Variants in IKZF5 observed in about 807,000 individuals in gnomAD.
The protein encoded by IKZF5 is zinc finger protein Pegasus.
In IKZF5, 4 loss-of-function variants were observed where a neutral mutation model predicts 30.7. That is an observed-to-expected ratio of 0.13 (90% confidence interval 0.06 to 0.30). IKZF5 has a LOEUF of 0.30. IKZF5 is among the 10% of genes least tolerant of loss of function. The pLI, the probability that IKZF5 is intolerant of heterozygous loss-of-function variation, is 1.00. For missense variants in IKZF5, 348 were observed against 525.5 expected, an observed-to-expected ratio of 0.66 and a Z score of 3.30; for synonymous variants, 148 against 179.6, an observed-to-expected ratio of 0.82 and a Z score of 1.41.
At position 122,999,130 on chromosome 10, in the gene IKZF5, G is replaced by A. The variant is rs1849494353; in HGVS notation, c.-46-459C>T. Among the ~76,000 whole-genome samples the A allele has an allele frequency of 7.2e-5, 11 of 152,246 alleles. No homozygotes were observed. In the South Asian group the frequency reaches 2.1e-3, roughly 29 times the overall value. On this transcript the variant is annotated intron_variant, in intron 2 of 4. Coordinates refer to ENST00000368886, the MANE Select transcript of IKZF5 (RefSeq NM_001372123.1). ...AATTGCTTGGGTCTGAGTGGTCAAG[G>A]CTGCAGTGAGCCGTGATTGCACCAC...
In IKZF5 at chr10:122,994,364, A is replaced by T. The variant is rs1332600816; in HGVS notation, c.676T>A (p.Ser226Thr). The T allele has an allele frequency of 1.2e-6, 2 of 1,613,906 alleles. No homozygotes were observed. The highest frequency in any genetic ancestry group is 3.3e-5 in the Admixed American group (2 of 59,988). ...GTGGTTTTTGCCATACTTTCATAGG[A>T]GTCAGTCTGGATATTTGGGATTTCG... is the stretch of plus-strand genomic sequence containing the variant. Reference protein sequence around the residue: ...THEIPNIQTDSYESMAKTTPT... With the variant: ...THEIPNIQTDTYESMAKTTPT... Residue 226 changes from serine to threonine, a missense_variant, in exon 5 of 5, where the codon TCC (serine) becomes ACC (threonine). Coordinates refer to ENST00000368886, the MANE Select transcript of IKZF5 (RefSeq NM_001372123.1). The surrounding 1 kb of genome is among the most constrained non-coding windows in gnomAD (Gnocchi z 5.6).
chr10:123,002,143 G>A lies in IKZF5; in HGVS notation c.-46-3472C>T, dbSNP rs1483161766. Among the ~76,000 whole-genome samples the A allele has an allele frequency of 2.6e-5, 4 of 152,150 alleles. No homozygotes were observed. In the East Asian group the frequency reaches 5.8e-4, roughly 22 times the overall value. On this transcript the variant is annotated intron_variant, in intron 2 of 4. Coordinates refer to ENST00000368886, the MANE Select transcript of IKZF5 (RefSeq NM_001372123.1). ...GCCAAATAAGGACTTACAGGTAACTGAATTCTCTTTTCTTAATTCAATACT... is the reference window on the plus strand; with the variant it reads ...GCCAAATAAGGACTTACAGGTAACTAAATTCTCTTTTCTTAATTCAATACT...
At chr10:123,000,775 A>G (rs1007924611) in intron 2 of IKZF5, among the ~76,000 whole-genome samples, 1 of 152,166 alleles carries the variant, frequency 6.6e-6, no homozygotes. Context: ...GTGGTATCAC[A>G]TTACTTTTAA....
In IKZF5 at chr10:122,990,885, T is replaced by C. The variant is rs1849140182; in HGVS notation, c.*2895A>G. ...GAACTGCATACTAGATATAGTTATT[T>C]CTGCATTAAACTGCTTTCCGGAATC... On this transcript the variant is annotated 3_prime_UTR_variant, in exon 5 of 5. Transcript: ENST00000368886. The C allele has an allele frequency of 6.7e-6, 1 of 149,814 alleles. No homozygotes were observed. The highest frequency in any genetic ancestry group is 2.2e-4 in the South Asian group (1 of 4,618). The allele number at this position is 149,814 out of a possible 1,614,324, so 9.3% of individuals were successfully genotyped here.
In IKZF5 at chr10:122,996,104, A is replaced by G. The variant is rs1331216856; in HGVS notation, c.206T>C (p.Met69Thr). 1 of 1,614,116 alleles carries G rather than the reference A, an allele frequency of 6.2e-7. No individual in the cohort carries two copies. Among genetic ancestry groups the G allele is most frequent in the Admixed American group, 1.7e-5 (1 of 60,016 alleles). The change falls in exon 4 of 5, where the codon ATG (methionine) becomes ACG (threonine). Residue 69 changes from methionine to threonine, a missense_variant. By Grantham distance (81) the Met-to-Thr change is moderately conservative. Around this residue, in one of 4 missense-constraint regions of IKZF5, gnomAD observed 80 missense variants for 93.2 expected, o/e 0.86. Transcript: ENST00000368886. Reference sequence around the variant, plus strand: ...GGTCCTTTCAAACCCGTCTACTAACATTCCTGAGTTTTCATCCAAGGAAAC... The same window carrying G: ...GGTCCTTTCAAACCCGTCTACTAACGTTCCTGAGTTTTCATCCAAGGAAAC... The part of the protein sequence containing the change: ...VEVSLDENSG[M>T]LVDGFERTFD...
chr10:122,999,515 A>C (rs190428581), intron 2 of IKZF5, among the ~76,000 whole-genome samples: 70 of 152,352 alleles, frequency 4.6e-4, no homozygotes, highest in Non-Finnish European at 8.4e-4. Context: ...TCACGGTAAG[A>C]AGCCACAGAC....
Position 122,994,841 on chromosome 10 carries a change from C to T in IKZF5, c.317-118G>A. 2.7e-6 allele frequency: 2 copies of T among 746,906 alleles called. No homozygotes were observed. Among genetic ancestry groups the T allele is most frequent in the Non-Finnish European group, 4.3e-6 (2 of 461,960 alleles). 46.3% of individuals were successfully genotyped at this position (746,906 alleles called of 1,614,324 possible). A position where few individuals can be genotyped will look rare whatever the true frequency, so the allele number is the denominator to read the frequency against. Reference sequence around the variant, plus strand: ...CAAAAAGAAAATGCTTTCAGAAAGTCATATTTGCATAGCATATGAGATTGT... The same window carrying T: ...CAAAAAGAAAATGCTTTCAGAAAGTTATATTTGCATAGCATATGAGATTGT... On this transcript the variant is annotated intron_variant, in intron 4 of 4. Transcript: ENST00000368886. The surrounding 1 kb of genome is among the most constrained non-coding windows in gnomAD (Gnocchi z 5.6).
chr10:123,000,246 C>G (rs1377278866), intron 2 of IKZF5, among the ~76,000 whole-genome samples: 1 of 152,202 alleles, frequency 6.6e-6, no homozygotes, highest in Non-Finnish European at 1.5e-5. Flanking sequence ...TCTGCCCTGA[C>G]AAGGGTTACA....
At chr10:122,998,354 G>A (rs537538717) in intron 3 of IKZF5, 139 bp downstream of exon 3, 3 of 645,230 alleles carry the variant, frequency 4.6e-6, no homozygotes, top group Non-Finnish European at 7.5e-6. Context: ...TTAAAAAAGG[G>A]GGAAAAAATG....
Position 122,994,668 on chromosome 10 carries a change from A to G in IKZF5, c.372T>C (p.His124=). The G allele has an allele frequency of 6.2e-7, 1 of 1,614,050 alleles. No individual in the cohort carries two copies. Among genetic ancestry groups the G allele is most frequent in the Non-Finnish European group, 8.5e-7 (1 of 1,179,990 alleles). ...LCPFASAYER[H]LEAHMRSHTG... ...TATGAGAACGCATATGGGCTTCCAG[A>G]TGACGCTCATAAGCAGATGCAAATG... Residue 124 remains histidine (H), a synonymous_variant, in exon 5 of 5, where the codon CAT becomes CAC. Coordinates refer to ENST00000368886, the MANE Select transcript of IKZF5 (RefSeq NM_001372123.1). This position sits in a 1 kb window ranked among gnomAD's most constrained non-coding sequence, Gnocchi z 5.6.
chr10:122,996,147 C>G lies in IKZF5; in HGVS notation c.163G>C (p.Asp55His). ...AAGGAAACTTCAACAGATGGGTGAT[C>G]AAGTCCATTTTGATCACCATCTGTT... Reference protein sequence around the residue: ...AGTDGDQNGLDHPSVEVSLDE... With the variant: ...AGTDGDQNGLHHPSVEVSLDE... Residue 55 changes from aspartate to histidine, a missense_variant, in exon 4 of 5, where the codon GAT becomes CAT. By Grantham distance (81) the Asp-to-His change is moderately conservative. Transcript: ENST00000368886. 1 of 1,613,798 alleles carries G rather than the reference C, an allele frequency of 6.2e-7. No individual in the cohort carries two copies. Among genetic ancestry groups the G allele is most frequent in the South Asian group, 1.1e-5 (1 of 91,054 alleles).
chr10:123,002,255 ACGC>A (rs1849613653), intron 2 of IKZF5, among the ~76,000 whole-genome samples: 1 of 152,206 alleles, frequency 6.6e-6, no homozygotes, highest in Non-Finnish European at 1.5e-5. Flanking sequence ...GCAGTGGCTC[ACGC>A]TTGTAATCCC....
Position 122,994,754 on chromosome 10 carries a change from A to G in IKZF5, c.317-31T>C. ...TCAAAAGAAAAATGATGGAGAAACT[A>G]CAAGAGTAGTTCATTTATGGAAAGT... On this transcript the variant is annotated intron_variant, in intron 4 of 4. Transcript: ENST00000368886. This position sits in a 1 kb window ranked among gnomAD's most constrained non-coding sequence, Gnocchi z 5.6. The G allele has an allele frequency of 6.6e-7, 1 of 1,517,372 alleles. No homozygotes were observed. The highest frequency in any genetic ancestry group is 8.9e-7 in the Non-Finnish European group (1 of 1,122,066). 94.0% of individuals were successfully genotyped at this position (1,517,372 alleles called of 1,614,324 possible).
chr10:122,994,269 A>G lies in IKZF5; in HGVS notation c.771T>C (p.Thr257=), dbSNP rs1365781406. Residue 257 remains threonine (T), a synonymous_variant, in exon 5 of 5, where the codon ACT becomes ACC. Coordinates refer to ENST00000368886, the MANE Select transcript of IKZF5 (RefSeq NM_001372123.1). The surrounding 1 kb of genome is among the most constrained non-coding windows in gnomAD (Gnocchi z 5.6). ...MVDNPLNQLS[T]LAGQLSSLPP... ...GCAGACTGGACAACTGCCCTGCTAG[A>G]GTCGAGAGCTGATTCAAAGGGTTAT... The G allele has an allele frequency of 1.2e-6, 2 of 1,613,910 alleles. No individual in the cohort carries two copies. Among genetic ancestry groups the G allele is most frequent in the Non-Finnish European group, 1.7e-6 (2 of 1,179,964 alleles).
At chr10:123,002,384 G>A (rs1408204032) in intron 2 of IKZF5, among the ~76,000 whole-genome samples, 1 of 151,686 alleles carries the variant, frequency 6.6e-6, no homozygotes, top group African/African-American at 2.4e-5. Context: ...GCCGGGCATG[G>A]CAGCAGGCGC....
intron 1 of IKZF5, among the ~76,000 whole-genome samples, chr10:123,008,308 G>A (rs959412217): frequency 1.4e-4 from 21 of 152,220 alleles, no homozygotes; most frequent in African/African-American, 4.8e-4. Context: ...GAAACACCTA[G>A]GAGACCCGCG....
intron 4 of IKZF5, among the ~76,000 whole-genome samples, chr10:122,995,366 TAG>T (rs1849325176): frequency 6.6e-6 from 1 of 152,184 alleles, no homozygotes. Flanking sequence ...ATATGAGATT[TAG>T]AGTCATTCAT....
At chr10:123,008,029 C>A (rs2133439233) in intron 1 of IKZF5, among the ~76,000 whole-genome samples, 1 of 152,154 alleles carries the variant, frequency 6.6e-6, no homozygotes, top group South Asian at 2.1e-4. Flanking sequence ...ATCCAGTCAT[C>A]GAGCATGCTA....
At position 122,994,354 on chromosome 10, in the gene IKZF5, C is replaced by T; in HGVS notation, c.686G>A (p.Ser229Asn). Residue 229 changes from serine to asparagine, a missense_variant, in exon 5 of 5, where the codon AGT becomes AAT. By Grantham distance (46) the Ser-to-Asn change is conservative (BLOSUM62 1). Around this residue, in one of 4 missense-constraint regions of IKZF5, gnomAD observed 176 missense variants for 198.2 expected, o/e 0.89. Coordinates refer to ENST00000368886, the MANE Select transcript of IKZF5 (RefSeq NM_001372123.1). This position sits in a 1 kb window ranked among gnomAD's most constrained non-coding sequence, Gnocchi z 5.6. Reference protein sequence around the residue: ...IPNIQTDSYESMAKTTPTGGL... With the variant: ...IPNIQTDSYENMAKTTPTGGL... ...ACCAGTTGGTGTGGTTTTTGCCATA[C>T]TTTCATAGGAGTCAGTCTGGATATT... The T allele has an allele frequency of 6.2e-7, 1 of 1,614,016 alleles. No individual in the cohort carries two copies. The highest frequency in any genetic ancestry group is 8.5e-7 in the Non-Finnish European group (1 of 1,179,986).
Sources: allele counts gnomAD v4.1 joint callset (sites outside exome capture counted in the v4.1 genomes callset), GRCh38; gene constraint gnomAD v4.1.1; regional missense constraint gnomAD v4.1.1; non-coding constraint Gnocchi (gnomAD v3.1); transcripts MANE v1.5; gene names NCBI Gene and HGNC (gene_info 2026-07-23, HGNC 2026-07-21).